GPHN: variants seen among roughly 807,000 people sequenced by gnomAD.
GPHN encodes gephyrin.
In GPHN, 17 loss-of-function variants were observed where a neutral mutation model predicts 95.5. The observed-to-expected ratio is 0.18, with a 90% CI of 0.12 to 0.27. GPHN has a LOEUF of 0.27. Among genes scored for constraint, GPHN ranks in the 10% least tolerant of loss-of-function variants. GPHN has a pLI of 1.00. For missense variants in GPHN, 660 were observed against 978.1 expected, an observed-to-expected ratio of 0.67 and a Z score of 4.34; for synonymous variants, 320 against 322.5, an observed-to-expected ratio of 0.99 and a Z score of 0.08.
intron 1 of GPHN, among the ~76,000 whole-genome samples, chr14:66,518,667 T>G (rs1379588125): frequency 1.3e-5 from 2 of 152,074 alleles, no homozygotes; most frequent in Non-Finnish European, 2.9e-5. Context: ...AAGAATGAAA[T>G]CCTATCATTC....
the GPHN span, chr14:67,650,977 A>T: frequency 2.6e-6 from 4 of 1,525,222 alleles, 1 homozygote; most frequent in South Asian, 4.6e-5. Context: ...TGAGGCATTG[A>T]GGGGATAGAT....
chr14:66,789,679 GT>G lies in GPHN; in HGVS notation c.201+13159del, dbSNP rs542823519. On this transcript the variant is annotated intron_variant, in intron 3 of 22. Coordinates refer to ENST00000478722, the MANE Select transcript of GPHN (RefSeq NM_020806.5). The stretch of plus-strand genomic sequence containing the variant: ...GAGAAATGCTATGTAAGAAAACAGT[GT>G]GATGATTTTACTGTGCATTTCATTG... Among the ~76,000 whole-genome samples, 329 of 152,300 alleles carry G rather than the reference GT, an allele frequency of 2.2e-3. 6 individuals carry two copies. Among genetic ancestry groups the G allele is most frequent in the Admixed American group, 3.6e-3 (55 of 15,298 alleles).
chr14:67,393,386 C>T, the GPHN span: 1 of 689,556 alleles, frequency 1.5e-6, no homozygotes. Flanking sequence ...GGAAAGCAGC[C>T]TTTTGAATGG....
intron 1 of GPHN, among the ~76,000 whole-genome samples, chr14:66,629,150 T>C (rs1344384291): frequency 2.6e-5 from 3 of 117,212 alleles, no homozygotes; most frequent in South Asian, 4.8e-4. Context: ...TTTATATACA[T>C]ATATAAATAT....
the GPHN span, chr14:67,562,276 G>A: frequency 6.2e-7 from 1 of 1,613,700 alleles, no homozygotes; most frequent in Non-Finnish European, 8.5e-7. Context: ...AGGCAGCTGT[G>A]CTTGCACCTT....
the GPHN span, chr14:67,645,667 C>T: frequency 6.2e-7 from 1 of 1,613,728 alleles, no homozygotes; most frequent in Non-Finnish European, 8.5e-7. Flanking sequence ...CCATTAGTGG[C>T]CATGCCCGAC....
chr14:67,459,616 T>A, the GPHN span, among the ~76,000 whole-genome samples: 1 of 152,230 alleles, frequency 6.6e-6, no homozygotes, highest in Non-Finnish European at 1.5e-5. Flanking sequence ...ACAGCTTGAT[T>A]TGAAGCTGAA....
At chr14:67,728,705 G>T in the GPHN span, among the ~76,000 whole-genome samples, 2 of 130,926 alleles carry the variant, frequency 1.5e-5, no homozygotes, top group Non-Finnish European at 3.5e-5. Flanking sequence ...ATATCTTGTG[G>T]GGGGGGGGTG....
At chr14:66,825,728 G>T (rs768727993) in intron 4 of GPHN, among the ~76,000 whole-genome samples, 4 of 151,986 alleles carry the variant, frequency 2.6e-5, no homozygotes, top group Non-Finnish European at 4.4e-5. Context: ...TTATAATTAG[G>T]GTTTTAAATA....
intron 5 of GPHN, among the ~76,000 whole-genome samples, chr14:66,896,894 A>T (rs1436524427): frequency 6.6e-6 from 1 of 152,162 alleles, no homozygotes; most frequent in African/African-American, 2.4e-5. Context: ...AACATCTTCC[A>T]CTTAAAATTT....
chr14:67,288,752 C>G, the GPHN span, among the ~76,000 whole-genome samples: 1 of 151,954 alleles, frequency 6.6e-6, no homozygotes, highest in African/African-American at 2.4e-5. Flanking sequence ...TTATATTCTT[C>G]CTATCTATTC....
chr14:66,666,232 C>G (rs1233378128), intron 1 of GPHN, among the ~76,000 whole-genome samples: 2 of 151,114 alleles, frequency 1.3e-5, no homozygotes, highest in Admixed American at 1.3e-4. Context: ...CACATGTACC[C>G]TAGAACTTAA....
chr14:67,412,487 T>C, the GPHN span, among the ~76,000 whole-genome samples: 4 of 152,038 alleles, frequency 2.6e-5, no homozygotes, highest in Non-Finnish European at 5.9e-5. Flanking sequence ...CCTGAGCTCA[T>C]TGCAAGTAGG....
chr14:66,608,669 A>C (rs1189669775), intron 1 of GPHN, among the ~76,000 whole-genome samples: 1 of 152,050 alleles, frequency 6.6e-6, no homozygotes, highest in Non-Finnish European at 1.5e-5. Flanking sequence ...TGGATGCTCC[A>C]ATGTTGGGTG....
chr14:66,947,356 C>T (rs756338084), intron 8 of GPHN, among the ~76,000 whole-genome samples: 23 of 152,142 alleles, frequency 1.5e-4, no homozygotes, highest in Admixed American at 2.6e-4. Flanking sequence ...TATCATTGCA[C>T]CTTGTTATTT....
chr14:67,170,600 T>C (rs1278031687), intron 21 of GPHN, among the ~76,000 whole-genome samples: 1 of 152,204 alleles, frequency 6.6e-6, no homozygotes, highest in Non-Finnish European at 1.5e-5. Flanking sequence ...GATGAGATGG[T>C]ACTTTGTAAT....
At chr14:67,413,792 G>C in the GPHN span, among the ~76,000 whole-genome samples, 564 of 152,270 alleles carry the variant, frequency 3.7e-3, no homozygotes, top group African/African-American at 0.013. Flanking sequence ...TTCCAATTCA[G>C]AATGAACATC....
At chr14:66,958,213 C>CT (rs776758620) in intron 8 of GPHN, among the ~76,000 whole-genome samples, 4 of 151,556 alleles carry the variant, frequency 2.6e-5, no homozygotes, top group Non-Finnish European at 5.9e-5. Context: ...ATTAACTGAC[C>CT]TTTTTATCAT....
At chr14:67,537,143 G>C in the GPHN span, among the ~76,000 whole-genome samples, 1 of 145,804 alleles carries the variant, frequency 6.9e-6, no homozygotes, top group African/African-American at 2.6e-5. Context: ...CCAGGAGTTC[G>C]AGACCAGCCT....
Sources: allele counts gnomAD v4.1 joint callset (sites outside exome capture counted in the v4.1 genomes callset), GRCh38; gene constraint gnomAD v4.1.1; transcripts MANE v1.5; gene names NCBI Gene and HGNC (gene_info 2026-07-23, HGNC 2026-07-21).